The following GRIN2A variants were observed in gnomAD, a reference collection of about 807,000 sequenced individuals.
GRIN2A encodes glutamate receptor ionotropic, NMDA 2A.
In GRIN2A, 22 loss-of-function variants were observed where a neutral mutation model predicts 113.4. That is an observed-to-expected ratio of 0.19 (90% CI 0.14 to 0.28). GRIN2A has a LOEUF of 0.28. GRIN2A is among the 10% of genes least tolerant of loss of function. The pLI is 1.00. For synonymous variants in GRIN2A, 827 were observed against 738.4 expected, an observed-to-expected ratio of 1.12 and a Z score of -1.94; for missense variants, 1,502 against 1,887.0, an observed-to-expected ratio of 0.80 and a Z score of 3.78.
intron 10 of GRIN2A, among the ~76,000 whole-genome samples, chr16:9,817,359 A>G (rs985839917): frequency 2.0e-5 from 3 of 152,170 alleles, no homozygotes; most frequent in South Asian, 2.1e-4. Context: ...CCATAGCTAG[A>G]GAGAAAGCCT....
chr16:9,878,651 C>T (rs1048444100), intron 4 of GRIN2A, among the ~76,000 whole-genome samples: 2 of 152,128 alleles, frequency 1.3e-5, no homozygotes, highest in Admixed American at 6.5e-5. Flanking sequence ...CATTAGTATC[C>T]CTATCAACGT....
intron 2 of GRIN2A, among the ~76,000 whole-genome samples, chr16:10,133,451 A>G (rs1596540087): frequency 6.6e-6 from 1 of 152,316 alleles, no homozygotes; most frequent in East Asian, 1.9e-4. Flanking sequence ...TACTAAAAAT[A>G]CAAAAATTAG....
intron 5 of GRIN2A, among the ~76,000 whole-genome samples, chr16:9,845,023 A>C (rs2042747218): frequency 6.6e-6 from 1 of 152,136 alleles, no homozygotes. Flanking sequence ...GCCTTCCTCA[A>C]AGACGTTCCC....
intron 11 of GRIN2A, among the ~76,000 whole-genome samples, chr16:9,784,642 A>G (rs1902120524): frequency 1.3e-5 from 2 of 152,224 alleles, no homozygotes; most frequent in Middle Eastern, 3.4e-3. Context: ...CTACCATCAG[A>G]GTGAACGGGC....
intron 2 of GRIN2A, among the ~76,000 whole-genome samples, chr16:10,026,218 T>G (rs2046817958): frequency 6.6e-6 from 1 of 152,184 alleles, no homozygotes; most frequent in African/African-American, 2.4e-5. Flanking sequence ...CAACTTAGGT[T>G]CTCACTAATT....
chr16:9,935,422 C>T (rs560401085), intron 3 of GRIN2A, among the ~76,000 whole-genome samples: 12 of 151,770 alleles, frequency 7.9e-5, no homozygotes, highest in African/African-American at 1.9e-4. Flanking sequence ...GGACAGAGGA[C>T]GGAGAAATGT....
At chr16:9,850,645 G>T (rs1258069467) in intron 4 of GRIN2A, among the ~76,000 whole-genome samples, 2 of 151,984 alleles carry the variant, frequency 1.3e-5, no homozygotes, top group Non-Finnish European at 2.9e-5. Flanking sequence ...GAGCAGGTGG[G>T]GAAATTAAAA....
intron 2 of GRIN2A, among the ~76,000 whole-genome samples, chr16:9,994,627 T>G (rs1410083264): frequency 6.6e-6 from 1 of 151,994 alleles, no homozygotes; most frequent in Non-Finnish European, 1.5e-5. Context: ...AAGAAGCAAA[T>G]AGAAGAGAAG....
At chr16:9,994,336 T>C (rs1452970119) in intron 2 of GRIN2A, among the ~76,000 whole-genome samples, 1 of 152,166 alleles carries the variant, frequency 6.6e-6, no homozygotes, top group Non-Finnish European at 1.5e-5. Context: ...ACTCAGGCCT[T>C]GTAGCTCCTT....
chr16:10,064,784 C>T lies in GRIN2A; in HGVS notation c.414+115214G>A, dbSNP rs527351933. Among the ~76,000 whole-genome samples, 5 of 152,302 alleles carry T rather than the reference C, an allele frequency of 3.3e-5. No homozygotes were observed. In the South Asian group the frequency reaches 1.0e-3, roughly 32 times the overall value. On this transcript the variant is annotated intron_variant, in intron 2 of 12. Transcript: ENST00000330684. Reference sequence around the variant, plus strand: ...CTTCTCCATGTGCTTCAGTGAAATGCAAATTACTGTTTGATCCCATGGACT... The same window carrying T: ...CTTCTCCATGTGCTTCAGTGAAATGTAAATTACTGTTTGATCCCATGGACT...
rs1459084523 is a variant in GRIN2A at position 9,762,637 on chromosome 16, C to T, written c.*512G>A. 8.3e-6 allele frequency: 2 copies of T among 241,944 alleles called. No individual in the cohort carries two copies. The highest frequency in any genetic ancestry group is 2.2e-5 in the African/African-American group (1 of 45,262). The allele number at this position is 241,944 out of a possible 1,614,324, so 15.0% of individuals were successfully genotyped here. Reference sequence around the variant, plus strand: ...CTGAAACTGTTACGAGCCAAACTTCCTAATCTCTTGCACATGTCAATCGCA... The same window carrying T: ...CTGAAACTGTTACGAGCCAAACTTCTTAATCTCTTGCACATGTCAATCGCA... On this transcript the variant is annotated 3_prime_UTR_variant, in exon 13 of 13. Transcript: ENST00000330684.
At position 10,057,088 on chromosome 16, in the gene GRIN2A, T is replaced by C. The variant is rs925286814; in HGVS notation, c.415-118537A>G. ...ATTCCCCATTCATTCCATCCAACCA[T>C]GCATCCATCTATCCACCCATCCATC... is the stretch of plus-strand genomic sequence containing the variant. On this transcript the variant is annotated intron_variant, in intron 2 of 12. Transcript: ENST00000330684. 2.6e-5 allele frequency among the ~76,000 whole-genome samples: 4 copies of C among 151,964 alleles called. No individual in the cohort carries two copies. In the South Asian group the frequency reaches 8.3e-4, roughly 32 times the overall value.
intron 3 of GRIN2A, among the ~76,000 whole-genome samples, chr16:9,922,685 G>C (rs73502673): frequency 2.0e-5 from 3 of 152,300 alleles, no homozygotes; most frequent in African/African-American, 7.2e-5. Flanking sequence ...GTTTCCCAAA[G>C]AGGCTTGGAT....
chr16:10,128,902 A>G (rs1261754503), intron 2 of GRIN2A, among the ~76,000 whole-genome samples: 2 of 152,242 alleles, frequency 1.3e-5, no homozygotes, highest in Non-Finnish European at 2.9e-5. Context: ...GCTCCCAGCT[A>G]TTAACAATAG....
intron 3 of GRIN2A, among the ~76,000 whole-genome samples, chr16:9,911,383 C>T (rs945773148): frequency 5.9e-5 from 9 of 152,226 alleles, no homozygotes; most frequent in African/African-American, 2.2e-4. Context: ...ACAGTGATTA[C>T]ATGCACTAGC....
intron 10 of GRIN2A, among the ~76,000 whole-genome samples, chr16:9,811,710 G>T (rs991499738): frequency 1.3e-5 from 2 of 152,216 alleles, no homozygotes; most frequent in African/African-American, 2.4e-5. Context: ...AGTTAGCCAA[G>T]ATCTCGTGAC....
At chr16:9,994,137 C>T (rs1391607956) in intron 2 of GRIN2A, among the ~76,000 whole-genome samples, 1 of 152,176 alleles carries the variant, frequency 6.6e-6, no homozygotes, top group Non-Finnish European at 1.5e-5. Context: ...TGAAATACCT[C>T]CTTTCTCACT....
chr16:10,152,754 G>A (rs9940500), intron 2 of GRIN2A, among the ~76,000 whole-genome samples: 2,130 of 152,178 alleles, frequency 0.014, 50 homozygotes, highest in African/African-American at 0.049. Context: ...ATTATTCAAC[G>A]CAAAAAGGAA....
intron 2 of GRIN2A, among the ~76,000 whole-genome samples, chr16:10,084,586 G>A (rs1213089783): frequency 6.6e-6 from 1 of 151,946 alleles, no homozygotes; most frequent in East Asian, 1.9e-4. Flanking sequence ...TTTTGGAATT[G>A]CATGTTGGGT....
Sources: gnomAD v4.1 joint callset for allele counts (sites outside exome capture counted in the v4.1 genomes callset) on GRCh38, gnomAD v4.1.1 for gene constraint, MANE v1.5 for transcripts, NCBI Gene and HGNC (gene_info 2026-07-23, HGNC 2026-07-21) for gene names.